RANBP2: variants seen among roughly 807,000 people sequenced by gnomAD.
RANBP2 encodes E3 SUMO-protein ligase RanBP2.
In RANBP2, 57 loss-of-function variants were observed where a neutral mutation model predicts 303.6. The ratio of observed to expected loss-of-function variants is 0.19; its 90% CI spans 0.15 to 0.23. The LOEUF (loss-of-function observed/expected upper bound fraction) is 0.23. RANBP2 is among the 10% of genes least tolerant of loss of function. The pLI, the probability that RANBP2 is intolerant of heterozygous loss-of-function variation, is 1.00. For synonymous variants in RANBP2, 1,167 were observed against 1,301.5 expected (o/e 0.90, Z 2.23); for missense variants, 3,138 against 3,780.8 (o/e 0.83, Z 4.46).
the RANBP2 span, among the ~76,000 whole-genome samples, chr2:108,898,437 C>T: frequency 4.6e-5 from 7 of 152,180 alleles, no homozygotes; most frequent in East Asian, 1.9e-4. Flanking sequence ...AAGACAGCAC[C>T]CTCATTCTCC....
At chr2:109,156,576 G>C in the RANBP2 span, among the ~76,000 whole-genome samples, 1 of 152,046 alleles carries the variant, frequency 6.6e-6, no homozygotes, top group Non-Finnish European at 1.5e-5. Context: ...CTTCTGAGTA[G>C]CTGAGATTAC....
chr2:109,531,803 A>T, the RANBP2 span, among the ~76,000 whole-genome samples: 2 of 152,222 alleles, frequency 1.3e-5, no homozygotes, highest in African/African-American at 4.8e-5. Flanking sequence ...AGCTGAGCAG[A>T]ACAGGTAGAT....
chr2:109,209,757 G>C, the RANBP2 span, among the ~76,000 whole-genome samples: 2 of 152,236 alleles, frequency 1.3e-5, no homozygotes, highest in South Asian at 2.1e-4. Context: ...GAGAGTAAAT[G>C]GTTTGTTCAC....
chr2:108,895,659 C>A, the RANBP2 span: 9,298 of 152,214 alleles, frequency 0.061, 348 homozygotes, highest in South Asian at 0.15. Context: ...TCACCTGAAC[C>A]CTACCTGCCC....
chr2:109,539,426 A>T, the RANBP2 span, among the ~76,000 whole-genome samples: 1 of 152,134 alleles, frequency 6.6e-6, no homozygotes, highest in Admixed American at 6.5e-5. Flanking sequence ...TGTACCTTGA[A>T]GTCAACCCGT....
At chr2:109,034,017 C>T in the RANBP2 span, among the ~76,000 whole-genome samples, 298 of 149,912 alleles carry the variant, frequency 2.0e-3, 1 homozygote, top group African/African-American at 6.6e-3. Context: ...AATCCCAGCA[C>T]TTTGGGAGGC....
chr2:109,352,286 C>T, the RANBP2 span, among the ~76,000 whole-genome samples: 2 of 152,154 alleles, frequency 1.3e-5, no homozygotes, highest in African/African-American at 2.4e-5. Flanking sequence ...CCAGAATACT[C>T]GCAGGAAAGT....
chr2:109,546,368 G>GTC, the RANBP2 span: 1 of 506,358 alleles, frequency 2.0e-6, no homozygotes, highest in Non-Finnish European at 3.3e-6. Context: ...TCTTTCTGAA[G>GTC]TCTCAGAAGT....
intron 18 of RANBP2, among the ~76,000 whole-genome samples, chr2:108,760,993 T>C (rs561870127): frequency 2.6e-5 from 4 of 151,926 alleles, no homozygotes; most frequent in African/African-American, 9.6e-5. Flanking sequence ...CTTTCCTAAA[T>C]TGTCTATTCA....
the RANBP2 span, among the ~76,000 whole-genome samples, chr2:109,638,091 T>C: frequency 6.6e-6 from 1 of 152,206 alleles, no homozygotes; most frequent in South Asian, 2.1e-4. Flanking sequence ...CTAAAGAGCA[T>C]CATGACTGTA....
chr2:109,345,207 G>A, the RANBP2 span, among the ~76,000 whole-genome samples: 47 of 152,256 alleles, frequency 3.1e-4, no homozygotes, highest in Admixed American at 3.1e-3. Context: ...ACCTAAGTTG[G>A]GGCCGCAGTT....
At chr2:109,248,866 T>TCC in the RANBP2 span, among the ~76,000 whole-genome samples, 4 of 117,242 alleles carry the variant, frequency 3.4e-5, no homozygotes, top group African/African-American at 1.5e-4. Flanking sequence ...TCCTTTCCTT[T>TCC]TTCCTTTCCT....
chr2:108,831,419 T>C, the RANBP2 span, among the ~76,000 whole-genome samples: 10 of 152,324 alleles, frequency 6.6e-5, no homozygotes, highest in African/African-American at 2.4e-4. Context: ...TAAGAAAAAG[T>C]ACTTTTTTAT....
the RANBP2 span, among the ~76,000 whole-genome samples, chr2:109,708,661 A>C: frequency 6.6e-6 from 1 of 151,860 alleles, no homozygotes; most frequent in Non-Finnish European, 1.5e-5. Context: ...AAAATAAATA[A>C]ATTAATTAAT....
At chr2:109,585,284 T>C in the RANBP2 span, 2 of 1,610,060 alleles carry the variant, frequency 1.2e-6, no homozygotes, top group African/African-American at 1.3e-5. Flanking sequence ...TATTAAACAA[T>C]GTGTCAATCA....
chr2:109,622,153 C>A, the RANBP2 span, among the ~76,000 whole-genome samples: 240 of 152,214 alleles, frequency 1.6e-3, no homozygotes, highest in African/African-American at 5.5e-3. Context: ...TCTCATAATA[C>A]CCCTTCCCTG....
the RANBP2 span, among the ~76,000 whole-genome samples, chr2:109,101,510 A>G: frequency 1.3e-5 from 2 of 152,186 alleles, no homozygotes; most frequent in Admixed American, 6.5e-5. Flanking sequence ...CCTGGGCTAC[A>G]GAGCGAGACT....
the RANBP2 span, among the ~76,000 whole-genome samples, chr2:109,675,918 C>T: frequency 2.0e-5 from 3 of 152,100 alleles, no homozygotes; most frequent in Admixed American, 6.5e-5. Flanking sequence ...GGTTCCACCT[C>T]GAAATGGACT....
At chr2:108,958,026 T>C in the RANBP2 span, among the ~76,000 whole-genome samples, 1 of 151,916 alleles carries the variant, frequency 6.6e-6, no homozygotes, top group Admixed American at 6.6e-5. Flanking sequence ...TAAAAAAAAA[T>C]CAAAACTGTT....
Sources: allele counts gnomAD v4.1 joint callset (sites outside exome capture counted in the v4.1 genomes callset), GRCh38; gene constraint gnomAD v4.1.1; transcripts MANE v1.5; gene names NCBI Gene and HGNC (gene_info 2026-07-23, HGNC 2026-07-21).